MFSD6: variants seen among roughly 807,000 people sequenced by gnomAD.
MFSD6 encodes the protein major facilitator superfamily domain containing 6, also known as major facilitator superfamily domain-containing protein 6.
Under a neutral mutation model 56.3 loss-of-function variants are expected in MFSD6, and 26 were observed. The ratio of observed to expected loss-of-function variants is 0.46; its 90% confidence interval spans 0.34 to 0.64. The LOEUF (loss-of-function observed/expected upper bound fraction) is 0.64, where lower values mean the gene tolerates loss of function less well. Among genes scored for constraint, MFSD6 ranks in the 30% least tolerant of loss-of-function variants. MFSD6 has a pLI of 0.01. For missense variants in MFSD6, 750 were observed against 986.2 expected, an observed-to-expected ratio of 0.76 and a Z score of 3.21; for synonymous variants, 331 against 366.9, an observed-to-expected ratio of 0.90 and a Z score of 1.12.
chr2:190,477,241 T>C (rs1252825747), intron 4 of MFSD6: 1 of 982,660 alleles, frequency 1.0e-6, no homozygotes, highest in Non-Finnish European at 1.2e-6. Flanking sequence ...GAACTGCAGG[T>C]AAGAATGATT....
chr2:190,415,894 C>A lies in MFSD6; in HGVS notation c.-54+481C>A, dbSNP rs897836151. 6.6e-6 allele frequency among the ~76,000 whole-genome samples: 1 copy of A among 152,112 alleles called. No individual in the cohort carries two copies. The highest frequency in any genetic ancestry group is 1.5e-5 in the Non-Finnish European group (1 of 68,018). On this transcript the variant is annotated intron_variant, in intron 2 of 7. Coordinates refer to ENST00000392328, the MANE Select transcript of MFSD6 (RefSeq NM_017694.4). The surrounding 1 kb of genome is among the most constrained non-coding windows in gnomAD (Gnocchi z 4.5). ...CACCCATACATTTCTGTTTAAACTG[C>A]CTTGTCTCGTGTATAGATTGTGCTT...
chr2:190,501,773 T>A lies in MFSD6; in HGVS notation c.*1555T>A, dbSNP rs1026898462. On this transcript the variant is annotated 3_prime_UTR_variant, in exon 8 of 8. Coordinates refer to ENST00000392328, the MANE Select transcript of MFSD6 (RefSeq NM_017694.4). The stretch of plus-strand genomic sequence containing the variant: ...ATAAAATAACTGAAAGAAATAGAAT[T>A]CAGCAAATAGTTATTTTTTGCACTT... The A allele has an allele frequency of 5.9e-5, 9 of 152,624 alleles. No individual in the cohort carries two copies. Among genetic ancestry groups the A allele is most frequent in the African/African-American group, 1.9e-4 (8 of 41,444 alleles). 9.5% of individuals were successfully genotyped at this position (152,624 alleles called of 1,614,324 possible).
rs1325891611 is a variant in MFSD6, at chr2:190,471,558, T to G, written c.1630+1703T>G. On this transcript the variant is annotated intron_variant, in intron 4 of 7. Coordinates refer to ENST00000392328, the MANE Select transcript of MFSD6 (RefSeq NM_017694.4). The surrounding 1 kb of genome is among the most constrained non-coding windows in gnomAD (Gnocchi z 4.7). ...AGGCTGGGGGAGGGGCACCCGCCAT[T>G]GCTGAGGCTTGAGTAGGTAAACAAA... Among the ~76,000 whole-genome samples the G allele has an allele frequency of 6.6e-6, 1 of 152,192 alleles. No homozygotes were observed. The highest frequency in any genetic ancestry group is 2.4e-5 in the African/African-American group (1 of 41,450).
intron 2 of MFSD6, among the ~76,000 whole-genome samples, chr2:190,419,500 C>T (rs1690922829): frequency 6.6e-6 from 1 of 152,186 alleles, no homozygotes; most frequent in African/African-American, 2.4e-5. Context: ...GAAGAGTGTC[C>T]CTTCTGTGGT....
At chr2:190,477,447 A>C in intron 4 of MFSD6, 4 of 829,392 alleles carry the variant, frequency 4.8e-6, no homozygotes, top group Non-Finnish European at 5.8e-6. Context: ...TTATCCTTTT[A>C]GTTTAAAATG....
rs1687939069 is a variant in MFSD6, at chr2:190,471,638, G to A, written c.1630+1783G>A. 6.6e-6 allele frequency among the ~76,000 whole-genome samples: 1 copy of A among 152,206 alleles called. No homozygotes were observed. Among genetic ancestry groups the A allele is most frequent in the South Asian group, 2.1e-4 (1 of 4,834 alleles). On this transcript the variant is annotated intron_variant, in intron 4 of 7. Transcript: ENST00000392328. The surrounding 1 kb of genome is among the most constrained non-coding windows in gnomAD (Gnocchi z 4.7). ...AGCCCACCACAGCTCAAGGAGGCCT[G>A]CCTGCCTCAGTAAACTCCACCTCTG...
Position 190,415,600 on chromosome 2 carries a change from C to A in MFSD6, c.-54+187C>A, listed in dbSNP as rs758045252. Among the ~76,000 whole-genome samples the A allele has an allele frequency of 3.3e-5, 5 of 152,086 alleles. No individual in the cohort carries two copies. Among genetic ancestry groups the A allele is most frequent in the Non-Finnish European group, 7.4e-5 (5 of 68,016 alleles). ...TTTATTTTATGGGCTAAGTAATAAA[C>A]CTTTTTCTGAAACTAATTATATCAT... On this transcript the variant is annotated intron_variant, in intron 2 of 7. Coordinates refer to ENST00000392328, the MANE Select transcript of MFSD6 (RefSeq NM_017694.4). The surrounding 1 kb of genome is among the most constrained non-coding windows in gnomAD (Gnocchi z 4.5).
In MFSD6 at chr2:190,459,157, C is replaced by T. The variant is rs1340214648; in HGVS notation, c.1533-10601C>T. 6.6e-6 allele frequency among the ~76,000 whole-genome samples: 1 copy of T among 152,178 alleles called. No homozygotes were observed. Among genetic ancestry groups the T allele is most frequent in the Non-Finnish European group, 1.5e-5 (1 of 68,044 alleles). On this transcript the variant is annotated intron_variant, in intron 3 of 7. Coordinates refer to ENST00000392328, the MANE Select transcript of MFSD6 (RefSeq NM_017694.4). This position sits in a 1 kb window ranked among gnomAD's most constrained non-coding sequence, Gnocchi z 5.3. ...TTTTTCCTCCCTCCATATTGTGGCT[C>T]CTTTCTCTTTTGTTTTCGTCAGTGA...
At position 190,434,747 on chromosome 2, in the gene MFSD6, A is replaced by C. The variant is rs1686121167; in HGVS notation, c.-53-1230A>C. On this transcript the variant is annotated intron_variant, in intron 2 of 7. Transcript: ENST00000392328. This position sits in a 1 kb window ranked among gnomAD's most constrained non-coding sequence, Gnocchi z 4.3. Reference sequence around the variant, plus strand: ...GCGCCCGGCCAAAACACTGTTTTTCAAAAAAGTTTACTGGCATCTTATCTA... The same window carrying C: ...GCGCCCGGCCAAAACACTGTTTTTCCAAAAAGTTTACTGGCATCTTATCTA... 6.6e-6 allele frequency among the ~76,000 whole-genome samples: 1 copy of C among 152,188 alleles called. No individual in the cohort carries two copies. The highest frequency in any genetic ancestry group is 2.4e-5 in the African/African-American group (1 of 41,454).
chr2:190,484,680 T>G (rs2125220055), intron 4 of MFSD6, among the ~76,000 whole-genome samples: 1 of 152,330 alleles, frequency 6.6e-6, no homozygotes, highest in Middle Eastern at 3.4e-3. Context: ...GAACTGCAGC[T>G]CCACCACTGT....
rs1256499714 is a variant in MFSD6 at position 190,425,069 on chromosome 2, C to G, written c.-54+9656C>G. ...GGTTTTCAGCATAAGGCCTTGTACA[C>G]ATTTTTTAAATTTATACCCAAGTGT... On this transcript the variant is annotated intron_variant, in intron 2 of 7. Transcript: ENST00000392328. The surrounding 1 kb of genome is among the most constrained non-coding windows in gnomAD (Gnocchi z 4.3). 4.6e-5 allele frequency among the ~76,000 whole-genome samples: 7 copies of G among 152,058 alleles called. No homozygotes were observed. The highest frequency in any genetic ancestry group is 2.0e-4 in the Admixed American group (3 of 15,268).
At chr2:190,486,103 G>C (rs1242681071) in intron 4 of MFSD6, among the ~76,000 whole-genome samples, 2 of 152,208 alleles carry the variant, frequency 1.3e-5, no homozygotes, top group Non-Finnish European at 2.9e-5. Flanking sequence ...TTTGGGTCTT[G>C]CTTTTAAGAT....
intron 3 of MFSD6, among the ~76,000 whole-genome samples, chr2:190,448,693 C>T (rs1686670485): frequency 6.6e-6 from 1 of 152,170 alleles, no homozygotes; most frequent in Non-Finnish European, 1.5e-5. Context: ...TCTAAATTCA[C>T]AGTTGCCCTA....
At chr2:190,448,767 A>G (rs577210678) in intron 3 of MFSD6, among the ~76,000 whole-genome samples, 1 of 152,318 alleles carries the variant, frequency 6.6e-6, no homozygotes, top group Admixed American at 6.5e-5. Context: ...CCTCTACATT[A>G]TCTGTAATAT....
rs1381204720 is a variant in MFSD6, at chr2:190,493,309, G to A, written c.1891+3443G>A. Among the ~76,000 whole-genome samples, 3 of 152,194 alleles carry A rather than the reference G, an allele frequency of 2.0e-5. No individual in the cohort carries two copies. The East Asian group carries it at 5.8e-4, about 29-fold the overall frequency. On this transcript the variant is annotated intron_variant, in intron 6 of 7. Transcript: ENST00000392328. The stretch of plus-strand genomic sequence containing the variant: ...AGGGTGACATTATATAATGATAAAA[G>A]GCCTTGCCCAACAGGAAAATTTCAC...
chr2:190,437,686 T>C lies in MFSD6; in HGVS notation c.1532+125T>C, dbSNP rs1686226076. On this transcript the variant is annotated intron_variant, in intron 3 of 7. Transcript: ENST00000392328. This position sits in a 1 kb window ranked among gnomAD's most constrained non-coding sequence, Gnocchi z 5.9. ...GTTGAGGATAGGGTTGGAGTGGAAA[T>C]GGGGATTTCTGTTTCTTTTCCTCCT... The C allele has an allele frequency of 1.8e-6, 2 of 1,137,752 alleles. No individual in the cohort carries two copies. The highest frequency in any genetic ancestry group is 1.7e-5 in the South Asian group (1 of 58,654). 70.5% of individuals were successfully genotyped at this position (1,137,752 alleles called of 1,614,324 possible).
chr2:190,431,623 C>T lies in MFSD6; in HGVS notation c.-53-4354C>T, dbSNP rs1481615936. Among the ~76,000 whole-genome samples, 4 of 152,136 alleles carry T rather than the reference C, an allele frequency of 2.6e-5. No individual in the cohort carries two copies. The highest frequency in any genetic ancestry group is 4.8e-5 in the African/African-American group (2 of 41,424). The stretch of plus-strand genomic sequence containing the variant: ...GGCAGGCTGAGGCAGGGGAATCAGG[C>T]AGGGAGGTTGCAGTGAGCCGAGATG... On this transcript the variant is annotated intron_variant, in intron 2 of 7. Coordinates refer to ENST00000392328, the MANE Select transcript of MFSD6 (RefSeq NM_017694.4). The surrounding 1 kb of genome is among the most constrained non-coding windows in gnomAD (Gnocchi z 4.4).
chr2:190,500,051 A>G lies in MFSD6; in HGVS notation c.2209A>G (p.Arg737Gly). The G allele has an allele frequency of 1.2e-6, 2 of 1,614,224 alleles. No individual in the cohort carries two copies. Among genetic ancestry groups the G allele is most frequent in the Non-Finnish European group, 1.7e-6 (2 of 1,180,022 alleles). Residue 737 changes from arginine (R) to glycine (G), a missense_variant, in exon 8 of 8, where the codon AGA (arginine) becomes GGA (glycine). Physicochemically the swap from Arg to Gly is moderately radical, Grantham distance 125. Around this residue, in one of 5 missense-constraint regions of MFSD6, gnomAD observed 172 missense variants for 203.9 expected, o/e 0.84. Transcript: ENST00000392328. This position sits in a 1 kb window ranked among gnomAD's most constrained non-coding sequence, Gnocchi z 5.3. ...GAATAGGGAAAATTCTCCTGCTGGT[A>G]GAGCCCAGCCTGTCCCATGTGAGAC... ...NENRENSPAGRAQPVPCETHS... is the reference protein window; with the variant it reads ...NENRENSPAGGAQPVPCETHS...
In MFSD6 at chr2:190,410,924, C is replaced by G. The variant is rs1196212047; in HGVS notation, c.-176+2421C>G. ...TACAAAAATTAGCTGAGCGTGGTGG[C>G]GGGCGCCTGGAATCCCAGCTACTCA... On this transcript the variant is annotated intron_variant, in intron 1 of 7. Coordinates refer to ENST00000392328, the MANE Select transcript of MFSD6 (RefSeq NM_017694.4). The surrounding 1 kb of genome is among the most constrained non-coding windows in gnomAD (Gnocchi z 4.4). 6.6e-6 allele frequency among the ~76,000 whole-genome samples: 1 copy of G among 151,610 alleles called. No individual in the cohort carries two copies. The highest frequency in any genetic ancestry group is 2.4e-5 in the African/African-American group (1 of 41,314).
Sources: allele counts gnomAD v4.1 joint callset (sites outside exome capture counted in the v4.1 genomes callset), GRCh38; gene constraint gnomAD v4.1.1; regional missense constraint gnomAD v4.1.1; non-coding constraint Gnocchi (gnomAD v3.1); transcripts MANE v1.5; gene names NCBI Gene and HGNC (gene_info 2026-07-23, HGNC 2026-07-21).